Variants in MTMR3 observed in about 807,000 individuals in gnomAD.
MTMR3 encodes the protein myotubularin related protein 3.
A neutral mutation model predicts 132.4 loss-of-function variants in MTMR3; 32 were observed. That is an observed-to-expected ratio of 0.24 (90% CI 0.18 to 0.32). The LOEUF (loss-of-function observed/expected upper bound fraction) is 0.32. Among genes scored for constraint, MTMR3 ranks in the 10% least tolerant of loss-of-function variants. The pLI is 1.00. For missense variants in MTMR3, 1,216 were observed against 1,489.6 expected (o/e 0.82, Z 3.02); for synonymous variants, 556 against 550.3 (o/e 1.01, Z -0.14).
intron 1 of MTMR3, among the ~76,000 whole-genome samples, chr22:29,919,098 A>G (rs567071917): frequency 6.6e-6 from 1 of 152,336 alleles, no homozygotes; most frequent in South Asian, 2.1e-4. Flanking sequence ...AAAATATAAA[A>G]TTATCACTCA....
chr22:29,892,233 C>A (rs1179508880), intron 1 of MTMR3, among the ~76,000 whole-genome samples: 5 of 151,984 alleles, frequency 3.3e-5, no homozygotes, highest in African/African-American at 9.7e-5. Context: ...CAGTTCAATA[C>A]TTTTTGCATT....
At chr22:29,918,562 C>G (rs1354213700) in intron 1 of MTMR3, among the ~76,000 whole-genome samples, 1 of 152,052 alleles carries the variant, frequency 6.6e-6, no homozygotes. Flanking sequence ...AGGTTATAGG[C>G]TCTGTAGATG....
At chr22:29,893,745 G>A (rs1448377153) in intron 1 of MTMR3, among the ~76,000 whole-genome samples, 1 of 152,090 alleles carries the variant, frequency 6.6e-6, no homozygotes, top group Non-Finnish European at 1.5e-5. Context: ...TTCTGTCTTG[G>A]TGGGATAATG....
At chr22:29,885,933 T>A (rs2064668406) in intron 1 of MTMR3, among the ~76,000 whole-genome samples, 1 of 152,202 alleles carries the variant, frequency 6.6e-6, no homozygotes, top group Non-Finnish European at 1.5e-5. Context: ...GTTACAATTG[T>A]GTAGAGTAGT....
At chr22:29,994,195 TA>T (rs2067016592) in intron 7 of MTMR3, 1 of 956,142 alleles carries the variant, frequency 1.0e-6, no homozygotes, top group African/African-American at 1.8e-5. Context: ...ACTGTTTGGC[TA>T]GAGATTATGA....
chr22:29,924,877 A>G (rs2065484766), intron 1 of MTMR3, among the ~76,000 whole-genome samples: 1 of 152,002 alleles, frequency 6.6e-6, no homozygotes, highest in Admixed American at 6.6e-5. Context: ...GTATATGTAT[A>G]TTTTTTGTAT....
At chr22:29,895,380 A>G (rs747795544) in intron 1 of MTMR3, among the ~76,000 whole-genome samples, 35 of 152,238 alleles carry the variant, frequency 2.3e-4, no homozygotes, top group Non-Finnish European at 4.6e-4. Context: ...CCGATGAGAA[A>G]TAAGTTTGTT....
chr22:30,021,867 A>T, intron 17 of MTMR3, 162 bp from the exon 18 acceptor site: 1 of 626,196 alleles, frequency 1.6e-6, no homozygotes, highest in Non-Finnish European at 2.9e-6. Context: ...CCCACACTGC[A>T]CTTCTTCACC....
intron 1 of MTMR3, among the ~76,000 whole-genome samples, chr22:29,929,239 C>G (rs1330716339): frequency 6.6e-6 from 1 of 151,910 alleles, no homozygotes; most frequent in Non-Finnish European, 1.5e-5. Context: ...TGAGATTGTG[C>G]CATTACACTC....
intron 1 of MTMR3, among the ~76,000 whole-genome samples, chr22:29,949,262 C>T (rs1034625802): frequency 1.3e-5 from 2 of 151,124 alleles, no homozygotes; most frequent in South Asian, 4.2e-4. Context: ...CCAAGGCGGG[C>T]AGATCACCTG....
chr22:29,930,877 C>T (rs546099949), intron 1 of MTMR3, among the ~76,000 whole-genome samples: 6 of 151,574 alleles, frequency 4.0e-5, no homozygotes, highest in Admixed American at 3.9e-4. Flanking sequence ...CATGCTGATG[C>T]GTGTGAATAG....
intron 3 of MTMR3, chr22:29,978,159 T>G (rs1379059669): frequency 8.3e-6 from 2 of 242,166 alleles, no homozygotes; most frequent in Non-Finnish European, 1.7e-5. Context: ...AGTGAGATTC[T>G]GTCTCAAAAA....
At chr22:29,952,722 G>A (rs1318040853) in intron 1 of MTMR3, among the ~76,000 whole-genome samples, 1 of 152,120 alleles carries the variant, frequency 6.6e-6, no homozygotes, top group African/African-American at 2.4e-5. Context: ...TTAACTCTCT[G>A]CTCGTCTGTT....
At chr22:29,884,067 CTT>C (rs1203668298) in intron 1 of MTMR3, among the ~76,000 whole-genome samples, 1 of 152,138 alleles carries the variant, frequency 6.6e-6, no homozygotes, top group East Asian at 1.9e-4. Context: ...GACTGGAAAA[CTT>C]ATGTCAAAAT....
chr22:29,988,709 T>TTATC (rs781542035), intron 6 of MTMR3, 147 bp downstream of exon 6: 4 of 495,616 alleles, frequency 8.1e-6, no homozygotes, highest in Non-Finnish European at 1.4e-5. Context: ...CTGAAATATT[T>TTATC]TATCTGTAGG....
rs2145939972 is a variant in MTMR3 at position 30,008,818 on chromosome 22, C to T, written c.1010-200C>T. 1.3e-5 allele frequency: 6 copies of T among 451,774 alleles called. 1 individual carries two copies. In the East Asian group the frequency reaches 2.1e-4, roughly 16 times the overall value. 28.0% of individuals were successfully genotyped at this position (451,774 alleles called of 1,614,324 possible). On this transcript the variant is annotated intron_variant, in intron 11 of 19. Coordinates refer to ENST00000401950, the MANE Select transcript of MTMR3 (RefSeq NM_021090.4). ...ACAAATCTAACCTTCCCTTTTCACG[C>T]TTTTTGAAAAGATAGCTAAAATTCA...
At position 29,978,630 on chromosome 22, in the gene MTMR3, T is replaced by C. The variant is rs940132556; in HGVS notation, c.93+99T>C. 4.7e-6 allele frequency: 4 copies of C among 854,508 alleles called. No homozygotes were observed. In the East Asian group the frequency reaches 1.1e-4, roughly 24 times the overall value. 52.9% of individuals were successfully genotyped at this position (854,508 alleles called of 1,614,324 possible). ...TGTAACGTACTATATTATATATATA[T>C]ATAACATACATGTAGTAGAAATGCA... On this transcript the variant is annotated intron_variant, in intron 4 of 19. Transcript: ENST00000401950.
rs774324479 is a variant in MTMR3, at chr22:30,020,305, C to T, written c.2646C>T (p.Pro882=). 5.6e-6 allele frequency: 9 copies of T among 1,614,220 alleles called. No homozygotes were observed. The Admixed American group carries it at 1.5e-4, about 27-fold the overall frequency. The change falls in exon 17 of 20, where the codon CCC becomes CCT. Residue 882 remains proline (P), a synonymous_variant. Coordinates refer to ENST00000401950, the MANE Select transcript of MTMR3 (RefSeq NM_021090.4). ...ACAGGCTTCCTCAGACCATGGAACCCAGCCCTTCAGAGACAAGCCTGGTCG... is the reference window on the plus strand; with the variant it reads ...ACAGGCTTCCTCAGACCATGGAACCTAGCCCTTCAGAGACAAGCCTGGTCG... ...GKDRLPQTME[P]SPSETSLVER...
At chr22:29,903,917 A>G (rs565819492) in intron 1 of MTMR3, among the ~76,000 whole-genome samples, 2 of 152,202 alleles carry the variant, frequency 1.3e-5, no homozygotes, top group South Asian at 2.1e-4. Context: ...TTTGTAGGCT[A>G]TCATTATTTT....
Sources: gnomAD v4.1 joint callset for allele counts (sites outside exome capture counted in the v4.1 genomes callset) on GRCh38, gnomAD v4.1.1 for gene constraint, MANE v1.5 for transcripts, NCBI Gene and HGNC (gene_info 2026-07-23, HGNC 2026-07-21) for gene names.